DPP6: variants seen among roughly 807,000 people sequenced by gnomAD.
DPP6 encodes A-type potassium channel modulatory protein DPP6.
A neutral mutation model predicts 122.6 loss-of-function variants in DPP6; 69 were observed. That is an observed-to-expected ratio of 0.56 (90% CI 0.46 to 0.69). The LOEUF is 0.69. DPP6 is among the 30% of genes least tolerant of loss of function. DPP6 has a pLI of 0.00. For missense variants in DPP6, 928 were observed against 1,116.9 expected, an observed-to-expected ratio of 0.83 and a Z score of 2.41; for synonymous variants, 418 against 433.1, an observed-to-expected ratio of 0.97 and a Z score of 0.43.
the DPP6 span, among the ~76,000 whole-genome samples, chr7:153,781,400 G>A: frequency 2.6e-5 from 4 of 152,190 alleles, no homozygotes; most frequent in African/African-American, 9.7e-5. Flanking sequence ...TATGTGATTA[G>A]CAATAGAAGA....
At chr7:154,533,165 G>C (rs1190720529) in intron 3 of DPP6, among the ~76,000 whole-genome samples, 1 of 152,140 alleles carries the variant, frequency 6.6e-6, no homozygotes, top group Admixed American at 6.5e-5. Flanking sequence ...TGTTTCTTTG[G>C]ATGTTCCTGT....
At chr7:154,214,631 T>C (rs1162395820) in intron 1 of DPP6, among the ~76,000 whole-genome samples, 1 of 152,170 alleles carries the variant, frequency 6.6e-6, no homozygotes, top group African/African-American at 2.4e-5. Flanking sequence ...AAAATATGTA[T>C]CTTCACTGGG....
In DPP6 at chr7:154,610,023, A is replaced by G. The variant is rs146230630; in HGVS notation, c.628-27798A>G. ...AATCCATTCATTTATTCCTTTGGTT[A>G]ATAGATTTTTGTTGGGCAGCTATCA... On this transcript the variant is annotated intron_variant, in intron 5 of 25. Coordinates refer to ENST00000377770, the MANE Select transcript of DPP6 (RefSeq NM_130797.4). Among the ~76,000 whole-genome samples the G allele has an allele frequency of 2.6e-3, 400 of 152,306 alleles. 3 individuals carry two copies. Among genetic ancestry groups the G allele is most frequent in the African/African-American group, 9.4e-3 (389 of 41,584 alleles).
At position 154,833,493 on chromosome 7, in the gene DPP6, G is replaced by A. The variant is rs7797590; in HGVS notation, c.1667-20287G>A. Among the ~76,000 whole-genome samples the A allele has an allele frequency of 0.01, 1,534 of 152,260 alleles. 33 individuals are homozygous for A. The highest frequency in any genetic ancestry group is 0.034 in the African/African-American group (1,432 of 41,532). On this transcript the variant is annotated intron_variant, in intron 16 of 25. Coordinates refer to ENST00000377770, the MANE Select transcript of DPP6 (RefSeq NM_130797.4). The surrounding 1 kb of genome is among the most constrained non-coding windows in gnomAD (Gnocchi z 4.3). ...GTAGTACCAGCCTTGTACGGCTGAC[G>A]AAGTGTAAATTATTTATTATCTGAA...
rs927853887 is a variant in DPP6 at position 154,047,358 on chromosome 7, C to T, written c.51+159624C>T. 2.8e-4 allele frequency among the ~76,000 whole-genome samples: 42 copies of T among 148,958 alleles called. 1 individual carries two copies. The highest frequency in any genetic ancestry group is 1.0e-3 in the African/African-American group (39 of 38,856). ...GAAGGGAATCATATTTAACTTAATT[C>T]ACCTGACCCTAAGAAGTGTGTGGTT... On this transcript the variant is annotated intron_variant, in intron 1 of 25. Coordinates refer to the DPP6 transcript ENST00000404039.
intron 5 of DPP6, among the ~76,000 whole-genome samples, chr7:154,633,488 A>G (rs1264981216): frequency 6.6e-6 from 1 of 152,186 alleles, no homozygotes; most frequent in African/African-American, 2.4e-5. Flanking sequence ...CACCCGCCTC[A>G]GCCTCCCAAA....
chr7:154,611,860 TG>T (rs1431030752), intron 5 of DPP6, among the ~76,000 whole-genome samples: 1 of 55,694 alleles, frequency 1.8e-5, no homozygotes, highest in African/African-American at 4.1e-5. Flanking sequence ...CATATATGTG[TG>T]TGTGTGTGTG....
At chr7:154,610,789 A>G (rs1833869197) in intron 5 of DPP6, among the ~76,000 whole-genome samples, 1 of 149,282 alleles carries the variant, frequency 6.7e-6, no homozygotes, top group Admixed American at 6.7e-5. Flanking sequence ...AAATTCTCTT[A>G]TTCTTTTCCC....
rs955806077 is a variant in DPP6 at position 154,808,065 on chromosome 7, G to A, written c.1666+953G>A. On this transcript the variant is annotated intron_variant, in intron 16 of 25. Transcript: ENST00000377770. Reference sequence around the variant, plus strand: ...AAGGTAAGTCATCCTAAATATGGTCGTAACAAAATATGATCTCCTGCGATG... The same window carrying A: ...AAGGTAAGTCATCCTAAATATGGTCATAACAAAATATGATCTCCTGCGATG... Among the ~76,000 whole-genome samples the A allele has an allele frequency of 7.2e-5, 11 of 152,276 alleles. No homozygotes were observed. The East Asian group carries it at 1.2e-3, about 16-fold the overall frequency.
chr7:153,989,799 C>T (rs1797062609), intron 1 of DPP6, among the ~76,000 whole-genome samples: 1 of 151,926 alleles, frequency 6.6e-6, no homozygotes, highest in Non-Finnish European at 1.5e-5. Context: ...GAGCGTGGAC[C>T]ACTGTTTTAG....
intron 6 of DPP6, among the ~76,000 whole-genome samples, chr7:154,647,366 A>G (rs1836550644): frequency 6.6e-6 from 1 of 152,238 alleles, no homozygotes; most frequent in Non-Finnish European, 1.5e-5. Context: ...TATGCCAGTA[A>G]AGTTTCCTCT....
At chr7:153,803,487 C>T in the DPP6 span, among the ~76,000 whole-genome samples, 1 of 151,944 alleles carries the variant, frequency 6.6e-6, no homozygotes, top group Admixed American at 6.6e-5. Context: ...GGATGCTTCA[C>T]CTCATCTTCT....
intron 1 of DPP6, among the ~76,000 whole-genome samples, chr7:154,082,846 CTTTTTTTT>C (rs1174987723): frequency 9.4e-6 from 1 of 106,276 alleles, no homozygotes; most frequent in African/African-American, 4.0e-5. Context: ...TTTTCTTTTT[CTTTTTTTT>C]TTTTTTTTTT....
chr7:154,286,089 G>C (rs1157576710), intron 1 of DPP6, among the ~76,000 whole-genome samples: 1 of 152,144 alleles, frequency 6.6e-6, no homozygotes, highest in Non-Finnish European at 1.5e-5. Flanking sequence ...ATATTTCATA[G>C]TTTGTGTGTT....
At chr7:154,393,653 A>T (rs1169087962) in intron 1 of DPP6, among the ~76,000 whole-genome samples, 3 of 152,002 alleles carry the variant, frequency 2.0e-5, no homozygotes, top group African/African-American at 4.8e-5. Flanking sequence ...TATATATAAC[A>T]TAAAATTGTC....
At chr7:153,853,428 G>A in the DPP6 span, among the ~76,000 whole-genome samples, 1 of 152,162 alleles carries the variant, frequency 6.6e-6, no homozygotes, top group African/African-American at 2.4e-5. Context: ...GCTATAATGT[G>A]TTTGGTTTAC....
chr7:154,830,466 G>A (rs553074957), intron 16 of DPP6, among the ~76,000 whole-genome samples: 19 of 152,352 alleles, frequency 1.2e-4, no homozygotes, highest in African/African-American at 4.3e-4. Context: ...AAGTAGAGCT[G>A]TATAAACGTT....
In DPP6 at chr7:154,875,512, C is replaced by G. The variant is rs187268598; in HGVS notation, c.1884-394C>G. On this transcript the variant is annotated intron_variant, in intron 19 of 25. Transcript: ENST00000377770. This position sits in a 1 kb window ranked among gnomAD's most constrained non-coding sequence, Gnocchi z 4.5. Reference sequence around the variant, plus strand: ...GCGGCCTTGTCACTTGTGATGGGTACTGAGAGGTACAGCCTGGGACATCTA... The same window carrying G: ...GCGGCCTTGTCACTTGTGATGGGTAGTGAGAGGTACAGCCTGGGACATCTA... 7.9e-5 allele frequency among the ~76,000 whole-genome samples: 12 copies of G among 152,294 alleles called. No individual in the cohort carries two copies. The highest frequency in any genetic ancestry group is 2.6e-4 in the African/African-American group (11 of 41,570).
intron 1 of DPP6, chr7:154,305,326 C>G: frequency 1.5e-6 from 2 of 1,321,072 alleles, no homozygotes; most frequent in Non-Finnish European, 1.9e-6. Flanking sequence ...AGAGCAAACT[C>G]GTCTTGTCTA....
Sources: allele counts gnomAD v4.1 joint callset (sites outside exome capture counted in the v4.1 genomes callset), GRCh38; gene constraint gnomAD v4.1.1; non-coding constraint Gnocchi (gnomAD v3.1); transcripts MANE v1.5; gene names NCBI Gene and HGNC (gene_info 2026-07-23, HGNC 2026-07-21).